Variants in NPAS3 observed in about 807,000 individuals in gnomAD.
The protein encoded by NPAS3 is neuronal PAS domain-containing protein 3.
Under a neutral mutation model 73.1 loss-of-function variants are expected in NPAS3, and 14 were observed. That is an observed-to-expected ratio of 0.19 (90% CI 0.13 to 0.30). The LOEUF (loss-of-function observed/expected upper bound fraction) is 0.30. NPAS3 is among the 10% of genes least tolerant of loss of function. The pLI, the probability that NPAS3 is intolerant of heterozygous loss-of-function variation, is 1.00. For synonymous variants in NPAS3, 620 were observed against 541.5 expected, an observed-to-expected ratio of 1.14 and a Z score of -2.01; for missense variants, 1,096 against 1,250.0, an observed-to-expected ratio of 0.88 and a Z score of 1.86.
At chr14:33,188,311 C>T (rs1255759148) in intron 2 of NPAS3, among the ~76,000 whole-genome samples, 1 of 152,200 alleles carries the variant, frequency 6.6e-6, no homozygotes, top group Non-Finnish European at 1.5e-5. Context: ...CGGCCTCTGT[C>T]TCTTCTGCTT....
At chr14:33,732,128 G>A (rs571897815) in intron 6 of NPAS3, among the ~76,000 whole-genome samples, 1 of 152,268 alleles carries the variant, frequency 6.6e-6, no homozygotes, top group Admixed American at 6.5e-5. Context: ...GACATAAACT[G>A]TTGCCACTGT....
At chr14:33,660,309 GT>G (rs1333377125) in intron 5 of NPAS3, among the ~76,000 whole-genome samples, 2 of 152,160 alleles carry the variant, frequency 1.3e-5, no homozygotes, top group Non-Finnish European at 2.9e-5. Context: ...ATCTCCATCA[GT>G]TCCTTCTCCA....
chr14:33,132,805 T>C (rs550873857), intron 2 of NPAS3, among the ~76,000 whole-genome samples: 7 of 152,116 alleles, frequency 4.6e-5, no homozygotes, highest in East Asian at 1.9e-4. Flanking sequence ...TAGAAGCAAA[T>C]TGGGGACAGG....
At chr14:33,198,838 G>T (rs1434055202) in intron 2 of NPAS3, among the ~76,000 whole-genome samples, 1 of 152,220 alleles carries the variant, frequency 6.6e-6, no homozygotes, top group Non-Finnish European at 1.5e-5. Context: ...CACTGTGGGG[G>T]AGCTTGGGCA....
chr14:33,089,762 C>T (rs936407125), intron 2 of NPAS3, among the ~76,000 whole-genome samples: 2 of 152,156 alleles, frequency 1.3e-5, no homozygotes, highest in Admixed American at 6.5e-5. Flanking sequence ...GGTCGGGTTA[C>T]CCACAAAGGG....
At chr14:33,147,754 T>TATATATATAC (rs368950295) in intron 2 of NPAS3, among the ~76,000 whole-genome samples, 57 of 142,406 alleles carry the variant, frequency 4.0e-4, no homozygotes, top group African/African-American at 1.2e-3. Context: ...TATATATATA[T>TATATATATAC]ACACACAAAA....
chr14:33,258,389 G>C (rs953147619), intron 3 of NPAS3, among the ~76,000 whole-genome samples: 1 of 152,148 alleles, frequency 6.6e-6, no homozygotes, highest in African/African-American at 2.4e-5. Flanking sequence ...GTGAAAGAAA[G>C]AGTGAGACAC....
In NPAS3 at chr14:33,184,728, T is replaced by C. The variant is rs532986560; in HGVS notation, c.141-30454T>C. Reference sequence around the variant, plus strand: ...CTGTAAGTAACTGGATATCTGAGATTGTTAGGGGAAGAAGAAATACAGGAT... The same window carrying C: ...CTGTAAGTAACTGGATATCTGAGATCGTTAGGGGAAGAAGAAATACAGGAT... On this transcript the variant is annotated intron_variant, in intron 2 of 11. Transcript: ENST00000356141. 2.6e-5 allele frequency among the ~76,000 whole-genome samples: 4 copies of C among 152,198 alleles called. No homozygotes were observed. In the East Asian group the frequency reaches 7.7e-4, roughly 29 times the overall value.
intron 4 of NPAS3, among the ~76,000 whole-genome samples, chr14:33,527,316 T>A (rs1028645524): frequency 4.6e-5 from 7 of 152,132 alleles, no homozygotes; most frequent in Non-Finnish European, 7.4e-5. Flanking sequence ...TGTGATGTCG[T>A]TTACAGCAAG....
intron 5 of NPAS3, among the ~76,000 whole-genome samples, chr14:33,625,605 T>G (rs1292030376): frequency 3.3e-5 from 5 of 152,226 alleles, no homozygotes; most frequent in African/African-American, 1.2e-4. Context: ...GATGTTTCTA[T>G]CTGACATTAT....
At chr14:33,213,873 G>C (rs2047125301) in intron 2 of NPAS3, 1 of 152,126 alleles carries the variant, frequency 6.6e-6, no homozygotes, top group Non-Finnish European at 1.5e-5. Context: ...AGATATTTCA[G>C]GTGTGATTTC....
intron 3 of NPAS3, among the ~76,000 whole-genome samples, chr14:33,250,258 G>A (rs979155844): frequency 2.0e-5 from 3 of 151,928 alleles, no homozygotes; most frequent in African/African-American, 7.3e-5. Context: ...AGAAAACCTA[G>A]TGATGTTGGT....
chr14:33,255,878 G>A (rs1056394664), intron 3 of NPAS3, among the ~76,000 whole-genome samples: 11 of 152,146 alleles, frequency 7.2e-5, no homozygotes, highest in African/African-American at 1.2e-4. Context: ...CAAAGGTTCA[G>A]GTCAGTAAAG....
intron 3 of NPAS3, among the ~76,000 whole-genome samples, chr14:33,357,949 T>G (rs545116749): frequency 1.3e-5 from 2 of 152,268 alleles, no homozygotes; most frequent in Admixed American, 1.3e-4. Context: ...AAATGGAGGA[T>G]TTAAAACTTG....
At chr14:33,709,904 A>G (rs552057837) in intron 6 of NPAS3, among the ~76,000 whole-genome samples, 1 of 152,260 alleles carries the variant, frequency 6.6e-6, no homozygotes, top group Admixed American at 6.5e-5. Context: ...ACCCTCCCAC[A>G]CACTGTGCAC....
chr14:33,676,807 GTTTCTTTA>G (rs1566409496), intron 6 of NPAS3, among the ~76,000 whole-genome samples: 1 of 152,140 alleles, frequency 6.6e-6, no homozygotes, highest in African/African-American at 2.4e-5. Flanking sequence ...AGAAATCTTG[GTTTCTTTA>G]TTTTTTTAAA....
At chr14:32,962,006 C>T (rs888088041) in intron 1 of NPAS3, among the ~76,000 whole-genome samples, 1 of 152,076 alleles carries the variant, frequency 6.6e-6, no homozygotes, top group African/African-American at 2.4e-5. Context: ...TATAAAACTC[C>T]TCAAATAATG....
At position 33,680,898 on chromosome 14, in the gene NPAS3, C is replaced by T. The variant is rs2059917259; in HGVS notation, c.733+4513C>T. ...TCTAAATTTTCAGGCAAAATCTAGCCTGTTTTGTGGCATTAGGATCATCAT... is the reference window on the plus strand; with the variant it reads ...TCTAAATTTTCAGGCAAAATCTAGCTTGTTTTGTGGCATTAGGATCATCAT... On this transcript the variant is annotated intron_variant, in intron 6 of 11. Coordinates refer to ENST00000356141, the Ensembl canonical transcript of NPAS3. The T allele has an allele frequency of 8.2e-6, 4 of 489,116 alleles. No individual in the cohort carries two copies. In the South Asian group the frequency reaches 1.4e-4, roughly 17 times the overall value. 30.3% of individuals were successfully genotyped at this position (489,116 alleles called of 1,614,324 possible).
At chr14:33,378,595 C>A (rs1022197698) in intron 4 of NPAS3, among the ~76,000 whole-genome samples, 6 of 152,002 alleles carry the variant, frequency 3.9e-5, no homozygotes, top group Non-Finnish European at 8.8e-5. Flanking sequence ...AGGAGCGTGC[C>A]AGTGCACTCC....
Sources: gnomAD v4.1 joint callset for allele counts (sites outside exome capture counted in the v4.1 genomes callset) on GRCh38, gnomAD v4.1.1 for gene constraint, MANE v1.5 for transcripts, NCBI Gene and HGNC (gene_info 2026-07-23, HGNC 2026-07-21) for gene names.